Variants in COX10 observed in about 807,000 individuals in gnomAD.
COX10 encodes cytochrome c oxidase assembly factor heme A:farnesyltransferase COX10, also known as protoheme IX farnesyltransferase, mitochondrial.
Under a neutral mutation model 37.3 loss-of-function variants are expected in COX10, and 27 were observed. That is an observed-to-expected ratio of 0.72 (90% CI 0.53 to 1.00). The LOEUF is 1.00. Ranked by LOEUF, COX10 falls within the 50% of genes least tolerant of loss-of-function variation. COX10 has a pLI of 0.00. For synonymous variants in COX10, 222 were observed against 229.1 expected, an observed-to-expected ratio of 0.97 and a Z score of 0.28; for missense variants, 475 against 563.2, an observed-to-expected ratio of 0.84 and a Z score of 1.59.
Position 14,206,861 on chromosome 17 carries a change from A to G in COX10, c.980A>G (p.Asn327Ser), listed in dbSNP as rs1379960697. ...TACTCCTGGCAGTTTCCTCATTTCAACGCCCTGAGCTGGGGCCTCCGTGAA... is the reference window on the plus strand; with the variant it reads ...TACTCCTGGCAGTTTCCTCATTTCAGCGCCCTGAGCTGGGGCCTCCGTGAA... ...ILYSWQFPHF[N>S]ALSWGLREDY... The change falls in exon 7 of 7, where the codon AAC becomes AGC. Residue 327 changes from asparagine to serine, a missense_variant. By Grantham distance (46) the Asn-to-Ser change is conservative. Around this residue, in one of 5 missense-constraint regions of COX10, gnomAD observed 160 missense variants for 180.6 expected, o/e 0.89. Coordinates refer to ENST00000261643, the MANE Select transcript of COX10 (RefSeq NM_001303.4). The G allele has an allele frequency of 1.9e-6, 3 of 1,613,970 alleles. No homozygotes were observed. Among genetic ancestry groups the G allele is most frequent in the South Asian group, 1.1e-5 (1 of 91,074 alleles).
intron 5 of COX10, among the ~76,000 whole-genome samples, chr17:14,168,679 C>A (rs979478463): frequency 6.6e-6 from 1 of 152,208 alleles, no homozygotes; most frequent in African/African-American, 2.4e-5. Flanking sequence ...CTTCTGAAGC[C>A]ATGGCTTGAG....
At chr17:14,141,245 T>A (rs1328492339) in intron 4 of COX10, among the ~76,000 whole-genome samples, 1 of 152,076 alleles carries the variant, frequency 6.6e-6, no homozygotes, top group Non-Finnish European at 1.5e-5. Flanking sequence ...CTATAAAGAC[T>A]ACCTCTTACA....
chr17:14,080,219 CTTTTTT>C (rs71147840), intron 3 of COX10, among the ~76,000 whole-genome samples: 1 of 102,708 alleles, frequency 9.7e-6, no homozygotes, highest in African/African-American at 3.6e-5. Flanking sequence ...ATTAGACTTT[CTTTTTT>C]TTTTTTTTTT....
intron 4 of COX10, among the ~76,000 whole-genome samples, chr17:14,115,318 T>C (rs1916085451): frequency 6.6e-6 from 1 of 152,112 alleles, no homozygotes; most frequent in Admixed American, 6.6e-5. Flanking sequence ...ATAAAACAAG[T>C]TGAATTAAAA....
Position 14,208,313 on chromosome 17 carries a change from CCT to C in COX10, c.*1101_*1102del, listed in dbSNP as rs1906771407. On this transcript the variant is annotated 3_prime_UTR_variant, in exon 7 of 7. Coordinates refer to ENST00000261643, the MANE Select transcript of COX10 (RefSeq NM_001303.4). ...ATACGGTTACCTGCAGCTTTTTAGTCCTTTGTGCTCCCACGGGTCTGCAGAGT... is the reference window on the plus strand; with the variant it reads ...ATACGGTTACCTGCAGCTTTTTAGTCTTGTGCTCCCACGGGTCTGCAGAGT... The C allele has an allele frequency of 1.3e-5, 2 of 152,198 alleles. No homozygotes were observed. The highest frequency in any genetic ancestry group is 4.8e-5 in the African/African-American group (2 of 41,442). 9.4% of individuals were successfully genotyped at this position (152,198 alleles called of 1,614,324 possible).
intron 4 of COX10, among the ~76,000 whole-genome samples, chr17:14,127,985 G>A (rs1029086690): frequency 1.3e-5 from 2 of 149,474 alleles, no homozygotes. Flanking sequence ...TTACAGCATT[G>A]AACTTAGAAG....
chr17:14,169,727 A>G (rs560577243), intron 5 of COX10, among the ~76,000 whole-genome samples: 1 of 152,320 alleles, frequency 6.6e-6, no homozygotes, highest in East Asian at 1.9e-4. Context: ...CACACCTTAG[A>G]GTGCATATGT....
chr17:14,090,024 GCTT>G (rs1915489168), intron 3 of COX10, among the ~76,000 whole-genome samples: 2 of 151,370 alleles, frequency 1.3e-5, no homozygotes, highest in Admixed American at 6.6e-5. Flanking sequence ...ACCTTTTTTT[GCTT>G]CTTCTCTCCT....
At chr17:14,132,779 T>G (rs1916495743) in intron 4 of COX10, among the ~76,000 whole-genome samples, 1 of 151,696 alleles carries the variant, frequency 6.6e-6, no homozygotes, top group Non-Finnish European at 1.5e-5. Flanking sequence ...TTTTCCTATG[T>G]TTATTCTGAT....
chr17:14,084,927 T>C (rs939762236), intron 3 of COX10, among the ~76,000 whole-genome samples: 1 of 152,212 alleles, frequency 6.6e-6, no homozygotes, highest in African/African-American at 2.4e-5. Context: ...CCCAAAGTGC[T>C]GGGATTACAG....
chr17:14,086,871 A>G (rs190195646), intron 3 of COX10, among the ~76,000 whole-genome samples: 4 of 152,242 alleles, frequency 2.6e-5, no homozygotes, highest in Admixed American at 2.6e-4. Context: ...TCTTTCTACT[A>G]GCTTTCTTCA....
chr17:14,074,366 A>G lies in COX10; in HGVS notation c.87A>G (p.Ile29Met), dbSNP rs1331195710. 2 of 1,613,928 alleles carry G rather than the reference A, an allele frequency of 1.2e-6. No individual in the cohort carries two copies. Among genetic ancestry groups the G allele is most frequent in the South Asian group, 1.1e-5 (1 of 91,068 alleles). Residue 29 changes from isoleucine to methionine, a missense_variant, in exon 2 of 7, where the codon ATA becomes ATG. By Grantham distance (10) the Ile-to-Met change is conservative. Around this residue, in one of 5 missense-constraint regions of COX10, gnomAD observed 242 missense variants for 242.5 expected, o/e 1.00. Transcript: ENST00000261643. ...GSVWYLERRT[I>M]QDSPHKFLHL... Reference sequence around the variant, plus strand: ...TCTGGTATCTTGAAAGAAGAACTATACAGGACTCCCCTCACAAGTTCTTAC... The same window carrying G: ...TCTGGTATCTTGAAAGAAGAACTATGCAGGACTCCCCTCACAAGTTCTTAC...
chr17:14,131,343 TAC>T (rs1916460578), intron 4 of COX10, among the ~76,000 whole-genome samples: 2 of 152,246 alleles, frequency 1.3e-5, no homozygotes, highest in South Asian at 2.1e-4. Context: ...ATTTTTTTAA[TAC>T]ACATGATGTT....
At chr17:14,148,253 A>G (rs1270165726) in intron 4 of COX10, among the ~76,000 whole-genome samples, 2 of 152,162 alleles carry the variant, frequency 1.3e-5, no homozygotes, top group Admixed American at 1.3e-4. Flanking sequence ...CAAATGCCTC[A>G]TGGGGGAAAA....
chr17:14,116,086 A>G (rs778048251), intron 4 of COX10, among the ~76,000 whole-genome samples: 3 of 152,220 alleles, frequency 2.0e-5, no homozygotes, highest in Admixed American at 1.3e-4. Flanking sequence ...AAAGTTATTT[A>G]TAACAGCATA....
Position 14,077,019 on chromosome 17 carries a change from A to G in COX10, c.462A>G (p.Pro154=), listed in dbSNP as rs1008842304. The change falls in exon 3 of 7, where the codon CCA becomes CCG. Residue 154 remains proline (P), a synonymous_variant. Transcript: ENST00000261643. ...KEMKLQVYDL[P]GILARLSKIK... ...TGAAGCTGCAAGTGTATGATTTGCC[A>G]GGAATTTTGGCTCGACTATCCAAAA... 23 of 1,614,172 alleles carry G rather than the reference A, an allele frequency of 1.4e-5. No individual in the cohort carries two copies. The highest frequency in any genetic ancestry group is 3.3e-4 in the Middle Eastern group (2 of 6,062).
At chr17:14,125,902 T>C (rs1000775222) in intron 4 of COX10, among the ~76,000 whole-genome samples, 3 of 152,164 alleles carry the variant, frequency 2.0e-5, no homozygotes, top group African/African-American at 7.2e-5. Flanking sequence ...GTGCTGTTTG[T>C]ACCACCGCAG....
Position 14,154,002 on chromosome 17 carries a change from A to T in COX10, c.625-5875A>T, listed in dbSNP as rs572350299. Among the ~76,000 whole-genome samples the T allele has an allele frequency of 1.2e-4, 18 of 152,364 alleles. No homozygotes were observed. The South Asian group carries it at 3.5e-3, about 30-fold the overall frequency. ...AAGATGATGAATATCAAAAGTTATT[A>T]TTCGGAGTGTAAAAAATTCAGACAA... On this transcript the variant is annotated intron_variant, in intron 4 of 6. Coordinates refer to ENST00000261643, the MANE Select transcript of COX10 (RefSeq NM_001303.4).
intron 6 of COX10, 108 bp downstream of exon 6, chr17:14,192,329 C>A (rs1000048656): frequency 9.7e-5 from 156 of 1,613,600 alleles, no homozygotes; most frequent in Non-Finnish European, 1.3e-4. Flanking sequence ...CACATTAATT[C>A]TTTTAGCAAA....
Sources: gnomAD v4.1 joint callset for allele counts (sites outside exome capture counted in the v4.1 genomes callset) on GRCh38, gnomAD v4.1.1 for gene constraint, gnomAD v4.1.1 regional missense constraint, MANE v1.5 for transcripts, NCBI Gene and HGNC (gene_info 2026-07-23, HGNC 2026-07-21) for gene names.